Variants in TASP1 observed in about 807,000 individuals in gnomAD.
TASP1 encodes the protein threonine aspartase 1.
A neutral mutation model predicts 56.6 loss-of-function variants in TASP1; 16 were observed. That is an observed-to-expected ratio of 0.28 (90% CI 0.19 to 0.43). The LOEUF (loss-of-function observed/expected upper bound fraction) is 0.43. Ranked by LOEUF, TASP1 falls within the 20% of genes least tolerant of loss-of-function variation. The pLI is 1.00. For synonymous variants in TASP1, 179 were observed against 184.2 expected, an observed-to-expected ratio of 0.97 and a Z score of 0.23; for missense variants, 393 against 511.6, an observed-to-expected ratio of 0.77 and a Z score of 2.24.
At chr20:13,457,191 A>G (rs2043875494) in intron 11 of TASP1, among the ~76,000 whole-genome samples, 1 of 152,156 alleles carries the variant, frequency 6.6e-6, no homozygotes, top group Non-Finnish European at 1.5e-5. Context: ...TGATGGGTTC[A>G]GCAAACCAAC....
chr20:13,321,251 C>CAAAAAAAAAAAAAAAAAAAAA, the TASP1 span, among the ~76,000 whole-genome samples: 3 of 23,710 alleles, frequency 1.3e-4, no homozygotes, highest in Non-Finnish European at 1.4e-4. Flanking sequence ...ATGTGCCCCA[C>CAAAAAAAAAAAAAAAAAAAAA]ATAAAAAAAA....
the TASP1 span, among the ~76,000 whole-genome samples, chr20:13,239,282 G>A: frequency 6.6e-6 from 1 of 152,162 alleles, no homozygotes; most frequent in Non-Finnish European, 1.5e-5. Context: ...AACTCTGTCT[G>A]GTGTGGTTCT....
At chr20:13,468,585 A>G (rs1324915606) in intron 11 of TASP1, among the ~76,000 whole-genome samples, 1 of 152,178 alleles carries the variant, frequency 6.6e-6, no homozygotes, top group Non-Finnish European at 1.5e-5. Flanking sequence ...TTATTTATTC[A>G]TCTAATCCAC....
the TASP1 span, among the ~76,000 whole-genome samples, chr20:13,194,168 CT>C: frequency 0.023 from 3,510 of 152,166 alleles, 62 homozygotes; most frequent in South Asian, 0.042. Flanking sequence ...AAAAATGTTT[CT>C]ATTGAAGATT....
chr20:13,355,089 T>C, the TASP1 span, among the ~76,000 whole-genome samples: 1 of 152,146 alleles, frequency 6.6e-6, no homozygotes, highest in African/African-American at 2.4e-5. Flanking sequence ...GGAGCAGGCA[T>C]ATGGCGGTAT....
chr20:13,246,583 AAG>A, the TASP1 span, among the ~76,000 whole-genome samples: 3 of 152,054 alleles, frequency 2.0e-5, no homozygotes. Context: ...CACCACATTT[AAG>A]GAGGCAGAGC....
At chr20:13,104,786 T>C in the TASP1 span, among the ~76,000 whole-genome samples, 2 of 152,188 alleles carry the variant, frequency 1.3e-5, no homozygotes, top group Admixed American at 1.3e-4. Context: ...GTCAAAATTA[T>C]ACTTTTATTT....
chr20:13,134,796 G>A, the TASP1 span, among the ~76,000 whole-genome samples: 1 of 152,178 alleles, frequency 6.6e-6, no homozygotes, highest in Admixed American at 6.5e-5. Context: ...AGAAGAGCAG[G>A]CAGAAGAATA....
chr20:13,217,508 C>A, the TASP1 span, among the ~76,000 whole-genome samples: 1 of 151,884 alleles, frequency 6.6e-6, no homozygotes, highest in Non-Finnish European at 1.5e-5. Flanking sequence ...TTATTAATTT[C>A]TCTTACTTCC....
the TASP1 span, among the ~76,000 whole-genome samples, chr20:13,305,563 G>A: frequency 2.6e-5 from 4 of 152,200 alleles, no homozygotes; most frequent in East Asian, 1.9e-4. Context: ...GCACAATTTC[G>A]GACAAATTAA....
At chr20:13,462,875 A>C (rs899246914) in intron 11 of TASP1, among the ~76,000 whole-genome samples, 5 of 152,154 alleles carry the variant, frequency 3.3e-5, no homozygotes, top group African/African-American at 1.2e-4. Context: ...AATAAATTAA[A>C]GGTACAAAAA....
At position 13,528,013 on chromosome 20, in the gene TASP1, A is replaced by C. The variant is rs1202795905; in HGVS notation, c.874+420T>G. Among the ~76,000 whole-genome samples, 3 of 151,826 alleles carry C rather than the reference A, an allele frequency of 2.0e-5. No homozygotes were observed. In the East Asian group the frequency reaches 5.8e-4, roughly 29 times the overall value. On this transcript the variant is annotated intron_variant, in intron 10 of 13. Coordinates refer to ENST00000337743, the MANE Select transcript of TASP1 (RefSeq NM_017714.3). ...TAGGAGGGCAGATCACTTGAGGCCA[A>C]GAGTTCAAGACCAGCCTGGCCAACA... is the stretch of plus-strand genomic sequence containing the variant.
chr20:13,429,327 G>A (rs1176416953), intron 12 of TASP1, among the ~76,000 whole-genome samples: 1 of 152,206 alleles, frequency 6.6e-6, no homozygotes, highest in Non-Finnish European at 1.5e-5. Flanking sequence ...AGCACAGCAA[G>A]AGCATATGCA....
At chr20:13,632,309 G>A (rs1021306626) in intron 1 of TASP1, among the ~76,000 whole-genome samples, 3 of 146,122 alleles carry the variant, frequency 2.1e-5, no homozygotes, top group African/African-American at 7.7e-5. Context: ...AGGTTGCAGT[G>A]AGCAGAGATC....
At chr20:13,470,179 A>C (rs2044434967) in intron 11 of TASP1, among the ~76,000 whole-genome samples, 1 of 151,798 alleles carries the variant, frequency 6.6e-6, no homozygotes, top group African/African-American at 2.4e-5. Flanking sequence ...CTATTCTTCA[A>C]CCTCCTGACA....
At chr20:13,440,831 T>C (rs75406648) in intron 11 of TASP1, among the ~76,000 whole-genome samples, 8,896 of 152,132 alleles carry the variant, frequency 0.058, 366 homozygotes, top group African/African-American at 0.12. Flanking sequence ...TATAGTTGAG[T>C]AGGAAATATG....
the TASP1 span, among the ~76,000 whole-genome samples, chr20:13,135,136 T>C: frequency 6.6e-6 from 1 of 152,234 alleles, no homozygotes; most frequent in Non-Finnish European, 1.5e-5. Flanking sequence ...CTCCAATAAC[T>C]GCTATCCCTT....
chr20:13,467,969 T>C (rs1313210822), intron 11 of TASP1, among the ~76,000 whole-genome samples: 2 of 63,646 alleles, frequency 3.1e-5, no homozygotes, highest in Non-Finnish European at 4.6e-5. Context: ...TGAGGCGAGG[T>C]TGCACCATTG....
chr20:13,592,623 G>A (rs953280967), intron 4 of TASP1, among the ~76,000 whole-genome samples: 17 of 152,064 alleles, frequency 1.1e-4, no homozygotes, highest in Admixed American at 1.1e-3. Context: ...AGTCTGGCTT[G>A]ATGTTGATAA....
Sources: gnomAD v4.1 joint callset for allele counts (sites outside exome capture counted in the v4.1 genomes callset) on GRCh38, gnomAD v4.1.1 for gene constraint, MANE v1.5 for transcripts, NCBI Gene and HGNC (gene_info 2026-07-23, HGNC 2026-07-21) for gene names.